CABP7: variants seen among roughly 807,000 people sequenced by gnomAD.
CABP7 encodes the protein calcium-binding protein 7.
CABP7 carries 13 observed loss-of-function variants against 23.1 expected under a neutral mutation model. The observed-to-expected ratio is 0.56, with a 90% CI of 0.37 to 0.90. The LOEUF (loss-of-function observed/expected upper bound fraction) is 0.90. CABP7 is among the 40% of genes least tolerant of loss of function. The pLI, the probability that CABP7 is intolerant of heterozygous loss-of-function variation, is 0.01. For missense variants in CABP7, 248 were observed against 295.6 expected (o/e 0.84, Z 1.18); for synonymous variants, 123 against 115.3 (o/e 1.07, Z -0.43).
At chr22:29,721,464 A>C (rs1320129553) in intron 1 of CABP7, among the ~76,000 whole-genome samples, 3 of 152,038 alleles carry the variant, frequency 2.0e-5, no homozygotes, top group Non-Finnish European at 2.9e-5. Flanking sequence ...GATGGGGGTC[A>C]CGGCCTCCTG....
At chr22:29,724,866 TGGC>T (rs918126009) in intron 1 of CABP7, among the ~76,000 whole-genome samples, 6 of 152,190 alleles carry the variant, frequency 3.9e-5, no homozygotes, top group African/African-American at 1.4e-4. Flanking sequence ...TGCCTTCCCC[TGGC>T]TCCCCTCGGC....
chr22:29,721,998 C>T (rs968109428), intron 1 of CABP7, among the ~76,000 whole-genome samples: 14 of 152,130 alleles, frequency 9.2e-5, no homozygotes, highest in African/African-American at 3.1e-4. Context: ...AGGCCTTCTC[C>T]TCCCCACCTT....
At chr22:29,728,563 ACCTCTGGGCCCTGGGCTGCAGGCCTGGG>A (rs1004807311) in intron 2 of CABP7, 39 bp from the exon 3 acceptor site, 9 of 988,820 alleles carry the variant, frequency 9.1e-6, no homozygotes, top group Non-Finnish European at 1.1e-5. Context: ...CCATCCCAGG[ACCTCTGGGCCCTGGGCTGCAGGCCTGGG>A]CCCTACCCAC....
At position 29,720,372 on chromosome 22, in the gene CABP7, A is replaced by T; in HGVS notation, c.-53A>T. The T allele has an allele frequency of 1.6e-6, 2 of 1,231,472 alleles. No individual in the cohort carries two copies. Among genetic ancestry groups the T allele is most frequent in the Non-Finnish European group, 2.2e-6 (2 of 925,724 alleles). The allele number at this position is 1,231,472 out of a possible 1,614,324, so 76.3% of individuals were successfully genotyped here. A position where few individuals can be genotyped will look rare whatever the true frequency, so the allele number is the denominator to read the frequency against. On this transcript the variant is annotated 5_prime_UTR_variant, in exon 1 of 5. It removes an upstream start codon present in the reference 5' UTR. Coordinates refer to ENST00000216144, the MANE Select transcript of CABP7 (RefSeq NM_182527.3). The surrounding 1 kb of genome is among the most constrained non-coding windows in gnomAD (Gnocchi z 5.2). ...CCGCCCCCGGGGCCGCCACCGGCCC[A>T]TGAGCCCCGGCCTCAAAGTTTGCGG...
chr22:29,723,020 T>C (rs574201171), intron 1 of CABP7, among the ~76,000 whole-genome samples: 139 of 152,324 alleles, frequency 9.1e-4, no homozygotes, highest in African/African-American at 3.3e-3. Flanking sequence ...CGCTCACCTC[T>C]CTGAGCCTTG....
chr22:29,722,381 CACA>C (rs1412012247), intron 1 of CABP7, among the ~76,000 whole-genome samples: 1 of 152,236 alleles, frequency 6.6e-6, no homozygotes, highest in Non-Finnish European at 1.5e-5. Flanking sequence ...AGTCACCAGC[CACA>C]ACAAGTGCCC....
chr22:29,727,549 G>C lies in CABP7; in HGVS notation c.110-113G>C. On this transcript the variant is annotated intron_variant, in intron 1 of 4. Transcript: ENST00000216144. The surrounding 1 kb of genome is among the most constrained non-coding windows in gnomAD (Gnocchi z 4.2). ...GCTCTCACCAGATCTGCAGGCTCTG[G>C]GTTGGGCTCTCAAGGCCATGCTCAG... is the stretch of plus-strand genomic sequence containing the variant. 7.6e-7 allele frequency: 1 copy of C among 1,322,356 alleles called. No homozygotes were observed. Among genetic ancestry groups the C allele is most frequent in the Non-Finnish European group, 1.1e-6 (1 of 932,002 alleles). The allele number at this position is 1,322,356 out of a possible 1,614,324, so 81.9% of individuals were successfully genotyped here.
rs6006230 is a variant in CABP7, at chr22:29,731,146, G to A, written c.*1577G>A. ...GATGGTCTCGGAGCCTCCATGGGGC[G>A]TAGCAGGAACCGGGCTTGGCTTCCT... On this transcript the variant is annotated 3_prime_UTR_variant, in exon 5 of 5. Coordinates refer to ENST00000216144, the MANE Select transcript of CABP7 (RefSeq NM_182527.3). 2.2e-3 allele frequency: 3,070 copies of A among 1,399,850 alleles called. 43 individuals carry two copies. In the African/African-American group the frequency reaches 0.038, roughly 17 times the overall value. 86.7% of individuals were successfully genotyped at this position (1,399,850 alleles called of 1,614,324 possible).
intron 1 of CABP7, among the ~76,000 whole-genome samples, chr22:29,722,126 G>A (rs1468355612): frequency 6.6e-6 from 1 of 152,132 alleles, no homozygotes; most frequent in Admixed American, 6.5e-5. Flanking sequence ...CCAGACCCCA[G>A]GCAGCTTCCG....
Position 29,720,578 on chromosome 22 carries a change from T to G in CABP7, c.109+45T>G. 1.5e-6 allele frequency: 2 copies of G among 1,292,092 alleles called. No homozygotes were observed. The highest frequency in any genetic ancestry group is 2.1e-6 in the Non-Finnish European group (2 of 953,780). 80.0% of individuals were successfully genotyped at this position (1,292,092 alleles called of 1,614,324 possible). On this transcript the variant is annotated intron_variant, in intron 1 of 4. Transcript: ENST00000216144. This position sits in a 1 kb window ranked among gnomAD's most constrained non-coding sequence, Gnocchi z 5.2. ...CCCGCCCCGGCGGCCCTCCTACCTG[T>G]GCGCCCAGGTGAAGCGCGGGCCAGG...
rs1305260760 is a variant in CABP7, at chr22:29,730,480, G to A, written c.*911G>A. The A allele has an allele frequency of 2.0e-5, 3 of 152,352 alleles. No homozygotes were observed. The highest frequency in any genetic ancestry group is 4.4e-5 in the Non-Finnish European group (3 of 68,124). The allele number at this position is 152,352 out of a possible 1,614,324, so 9.4% of individuals were successfully genotyped here. On this transcript the variant is annotated 3_prime_UTR_variant, in exon 5 of 5. Coordinates refer to ENST00000216144, the MANE Select transcript of CABP7 (RefSeq NM_182527.3). ...GGGCTCCTCCAGGGCTGAACTTTGG[G>A]AGGGCCCCTGTACTACCTCCTGGGC... is the stretch of plus-strand genomic sequence containing the variant.
At chr22:29,721,039 G>A (rs975906440) in intron 1 of CABP7, among the ~76,000 whole-genome samples, 1 of 152,168 alleles carries the variant, frequency 6.6e-6, no homozygotes, top group Non-Finnish European at 1.5e-5. Flanking sequence ...CCGCTGCGGG[G>A]CCGCCCCCGT....
In CABP7 at chr22:29,728,661, G is replaced by T; in HGVS notation, c.285G>T (p.Val95=). The T allele has an allele frequency of 6.2e-7, 1 of 1,613,606 alleles. No individual in the cohort carries two copies. Among genetic ancestry groups the T allele is most frequent in the South Asian group, 1.1e-5 (1 of 91,068 alleles). The change falls in exon 3 of 5, where the codon GTG becomes GTT. Residue 95 remains valine, a synonymous_variant. Coordinates refer to ENST00000216144, the MANE Select transcript of CABP7 (RefSeq NM_182527.3). ...GTCAAGTGGACTTTGAGGAGTTTGT[G>T]ACCCTTCTGGGACCCAAACTCTCCA... is the stretch of plus-strand genomic sequence containing the variant. ...GDGQVDFEEF[V]TLLGPKLSTS... is the part of the protein sequence containing the mutation.
intron 1 of CABP7, among the ~76,000 whole-genome samples, chr22:29,725,402 T>C (rs529153732): frequency 1.3e-5 from 2 of 152,312 alleles, no homozygotes; most frequent in South Asian, 4.1e-4. Flanking sequence ...GTGCTTCAGA[T>C]GGATGGGCTC....
chr22:29,731,299 G>A lies in CABP7; in HGVS notation c.*1730G>A. On this transcript the variant is annotated 3_prime_UTR_variant, in exon 5 of 5. Coordinates refer to ENST00000216144, the MANE Select transcript of CABP7 (RefSeq NM_182527.3). ...GCCCGCAGGGATGGAGGCAGCTCCT[G>A]AACTGGTGGCCAGCCCACGGGGTAC... The A allele has an allele frequency of 6.5e-7, 1 of 1,528,584 alleles. No individual in the cohort carries two copies. Among genetic ancestry groups the A allele is most frequent in the Non-Finnish European group, 8.7e-7 (1 of 1,149,936 alleles). 94.7% of individuals were successfully genotyped at this position (1,528,584 alleles called of 1,614,324 possible). A position where few individuals can be genotyped will look rare whatever the true frequency, so the allele number is the denominator to read the frequency against.
chr22:29,728,214 C>T (rs962138180), intron 2 of CABP7, among the ~76,000 whole-genome samples: 2 of 152,328 alleles, frequency 1.3e-5, no homozygotes, highest in African/African-American at 4.8e-5. Context: ...TTTATCCCAC[C>T]CGGGCCCTTC....
In CABP7 at chr22:29,720,677, C is replaced by A. The variant is rs901157433; in HGVS notation, c.109+144C>A. ...GTGGGCGCCCCAGCTAGCAGCTGTG[C>A]CCCGCGGCAAGACCTGTCCGCACCC... On this transcript the variant is annotated intron_variant, in intron 1 of 4. Transcript: ENST00000216144. The surrounding 1 kb of genome is among the most constrained non-coding windows in gnomAD (Gnocchi z 5.2). The A allele has an allele frequency of 1.2e-4, 54 of 466,390 alleles. No individual in the cohort carries two copies. Among genetic ancestry groups the A allele is most frequent in the Non-Finnish European group, 1.8e-4 (49 of 269,904 alleles). The allele number at this position is 466,390 out of a possible 1,614,324, so 28.9% of individuals were successfully genotyped here.
Position 29,721,221 on chromosome 22 carries a change from C to T in CABP7, c.109+688C>T, listed in dbSNP as rs375216976. ...CAGAGAGGCCAGGACCCAAACCCGC[C>T]CCCACCCCGTTCCCCCTGCCTCTCA... On this transcript the variant is annotated intron_variant, in intron 1 of 4. Coordinates refer to ENST00000216144, the MANE Select transcript of CABP7 (RefSeq NM_182527.3). Among the ~76,000 whole-genome samples, 422 of 152,300 alleles carry T rather than the reference C, an allele frequency of 2.8e-3. 2 individuals are homozygous for T. Among genetic ancestry groups the T allele is most frequent in the Admixed American group, 4.3e-3 (66 of 15,306 alleles).
chr22:29,731,126 T>A lies in CABP7; in HGVS notation c.*1557T>A. ...AGCCTCAGTGAGGCTGGGCAGATGG[T>A]CTCGGAGCCTCCATGGGGCGTAGCA... On this transcript the variant is annotated 3_prime_UTR_variant, in exon 5 of 5. Coordinates refer to ENST00000216144, the MANE Select transcript of CABP7 (RefSeq NM_182527.3). The A allele has an allele frequency of 7.6e-7, 1 of 1,308,548 alleles. No individual in the cohort carries two copies. Among genetic ancestry groups the A allele is most frequent in the South Asian group, 1.8e-5 (1 of 55,344 alleles). The allele number at this position is 1,308,548 out of a possible 1,614,324, so 81.1% of individuals were successfully genotyped here.
Sources: allele counts gnomAD v4.1 joint callset (sites outside exome capture counted in the v4.1 genomes callset), GRCh38; gene constraint gnomAD v4.1.1; non-coding constraint Gnocchi (gnomAD v3.1); transcripts MANE v1.5; gene names NCBI Gene and HGNC (gene_info 2026-07-23, HGNC 2026-07-21).